The following PDCD2L variants were observed in gnomAD, a reference collection of about 807,000 sequenced individuals.
PDCD2L encodes uS5 assembly chaperone PDCD2L.
PDCD2L carries 44 observed loss-of-function variants against 40.4 expected under a neutral mutation model. That is an observed-to-expected ratio of 1.09 (90% CI 0.86 to 1.40). The LOEUF is 1.40. Ranked by LOEUF, PDCD2L falls within the 40% of genes most tolerant of loss-of-function variation. PDCD2L has a pLI of 0.00. For synonymous variants in PDCD2L, 194 were observed against 174.6 expected (o/e 1.11, Z -0.88); for missense variants, 470 against 453.7 (o/e 1.04, Z -0.33).
At chr19:34,405,921 A>AG (rs777189641) in intron 3 of PDCD2L, among the ~76,000 whole-genome samples, 41 of 151,962 alleles carry the variant, frequency 2.7e-4, no homozygotes, top group Non-Finnish European at 5.1e-4. Context: ...ACAAAACAAA[A>AG]GAAAAAAAAA....
At chr19:34,411,145 C>G (rs1234207776) in intron 4 of PDCD2L, among the ~76,000 whole-genome samples, 1 of 141,478 alleles carries the variant, frequency 7.1e-6, no homozygotes, top group Non-Finnish European at 1.5e-5. Context: ...TGGGTTTCTT[C>G]AGACTAGAGT....
chr19:34,407,473 A>G (rs1313416965), intron 3 of PDCD2L, among the ~76,000 whole-genome samples: 3 of 151,934 alleles, frequency 2.0e-5, no homozygotes, highest in African/African-American at 7.3e-5. Flanking sequence ...TCTACTCTCT[A>G]CTTCTTTGAG....
intron 5 of PDCD2L, among the ~76,000 whole-genome samples, chr19:34,419,499 CTTT>C (rs10706238): frequency 4.2e-5 from 6 of 143,268 alleles, no homozygotes; most frequent in Admixed American, 7.0e-5. Flanking sequence ...CCTCCATTTC[CTTT>C]TTTTTTTTTT....
intron 3 of PDCD2L, 131 bp downstream of exon 3, chr19:34,405,121 C>T (rs1214393075): frequency 1.9e-5 from 12 of 627,954 alleles, no homozygotes; most frequent in Non-Finnish European, 2.5e-5. Context: ...TCTGAAGAAC[C>T]ATAAAATGCT....
chr19:34,405,526 T>C (rs2075070562), intron 3 of PDCD2L, among the ~76,000 whole-genome samples: 1 of 151,956 alleles, frequency 6.6e-6, no homozygotes, highest in South Asian at 2.1e-4. Context: ...TAAAAGGAGA[T>C]GGAGGCCCAG....
chr19:34,413,680 A>G (rs1396168114), intron 4 of PDCD2L, 57 bp from the exon 5 acceptor site: 6 of 1,061,360 alleles, frequency 5.7e-6, no homozygotes, highest in Non-Finnish European at 8.5e-6. Flanking sequence ...TTGTCTTGCA[A>G]ATGCTGTAAT....
chr19:34,421,437 GA>G (rs1346706705), intron 5 of PDCD2L, 81 bp from the exon 6 acceptor site: 2 of 1,502,720 alleles, frequency 1.3e-6, no homozygotes, highest in Non-Finnish European at 9.1e-7. Context: ...AAGAAACAAA[GA>G]AAGGTTGCAA....
intron 5 of PDCD2L, among the ~76,000 whole-genome samples, chr19:34,419,773 C>CCTTTTTTT (rs1431467148): frequency 2.7e-5 from 1 of 36,630 alleles, no homozygotes; most frequent in Non-Finnish European, 4.7e-5. Flanking sequence ...CTTTATGTTG[C>CCTTTTTTT]TTTTTTTTTT....
intron 4 of PDCD2L, among the ~76,000 whole-genome samples, chr19:34,410,876 C>T (rs1292804445): frequency 6.0e-5 from 9 of 150,082 alleles, no homozygotes; most frequent in Non-Finnish European, 1.3e-4. Flanking sequence ...CCTCCCCTTC[C>T]TGGGTTCAAG....
intron 4 of PDCD2L, among the ~76,000 whole-genome samples, chr19:34,413,327 ATTTTTTTTT>A (rs34915589): frequency 1.0e-5 from 1 of 98,826 alleles, no homozygotes; most frequent in Admixed American, 1.1e-4. Flanking sequence ...GGCGTGATTG[ATTTTTTTTT>A]TTTTTTTTTT....
At chr19:34,425,890 C>T in intron 6 of PDCD2L, 100 bp from the exon 7 acceptor site, 2 of 1,243,556 alleles carry the variant, frequency 1.6e-6, no homozygotes, top group Admixed American at 2.2e-5. Context: ...TTTTGCTTTA[C>T]CTAATTACTT....
intron 3 of PDCD2L, among the ~76,000 whole-genome samples, chr19:34,405,811 C>T (rs1025910699): frequency 6.6e-6 from 1 of 151,918 alleles, no homozygotes; most frequent in African/African-American, 2.4e-5. Context: ...GAGGTTGAGG[C>T]AGGAGAATCG....
chr19:34,421,754 T>C (rs1209656772), intron 6 of PDCD2L, 87 bp downstream of exon 6: 3 of 1,455,706 alleles, frequency 2.1e-6, no homozygotes, highest in Non-Finnish European at 1.8e-6. Context: ...TTATAAAATA[T>C]CATAAGCAAA....
rs760011470 is a variant in PDCD2L at position 34,409,560 on chromosome 19, C to T, written c.686+50C>T. ...GAGAGGTGACTGGATTGGGAAGCAG[C>T]CACAAGAGTTACCCTTCAGTTTCAC... is the stretch of plus-strand genomic sequence containing the variant. On this transcript the variant is annotated intron_variant, in intron 4 of 6. Coordinates refer to ENST00000246535, the MANE Select transcript of PDCD2L (RefSeq NM_032346.2). The T allele has an allele frequency of 4.0e-6, 6 of 1,509,562 alleles. No individual in the cohort carries two copies. In the Admixed American group the frequency reaches 8.6e-5, roughly 22 times the overall value. 93.5% of individuals were successfully genotyped at this position (1,509,562 alleles called of 1,614,324 possible).
intron 5 of PDCD2L, among the ~76,000 whole-genome samples, chr19:34,420,307 TTTTTTTTTTGG>T (rs920826775): frequency 4.1e-5 from 6 of 147,466 alleles, no homozygotes; most frequent in Admixed American, 1.4e-4. Flanking sequence ...GTCCACTAGG[TTTTTTTTTTGG>T]TTTTTTTTTT....
At chr19:34,405,714 A>G (rs1000870355) in intron 3 of PDCD2L, among the ~76,000 whole-genome samples, 2 of 151,294 alleles carry the variant, frequency 1.3e-5, no homozygotes, top group Non-Finnish European at 2.9e-5. Flanking sequence ...CAGCCTGGCC[A>G]ACATGGCGAA....
chr19:34,421,525 C>T lies in PDCD2L; in HGVS notation c.804C>T (p.Ser268=). Reference sequence around the variant, plus strand: ...CTTTGTTTCCTTGTCCTAGGTATTCCTGGAGTGGAGAGCCACTCTTTTTGA... The same window carrying T: ...CTTTGTTTCCTTGTCCTAGGTATTCTTGGAGTGGAGAGCCACTCTTTTTGA... ...AACQEQILRY[S]WSGEPLFLTC... Residue 268 remains serine, a synonymous_variant, in exon 6 of 7, where the codon TCC becomes TCT. Coordinates refer to ENST00000246535, the MANE Select transcript of PDCD2L (RefSeq NM_032346.2). 1 of 1,613,908 alleles carries T rather than the reference C, an allele frequency of 6.2e-7. No homozygotes were observed. Among genetic ancestry groups the T allele is most frequent in the Non-Finnish European group, 8.5e-7 (1 of 1,179,974 alleles).
At chr19:34,422,864 C>G (rs568569217) in intron 6 of PDCD2L, among the ~76,000 whole-genome samples, 1 of 151,970 alleles carries the variant, frequency 6.6e-6, no homozygotes, top group African/African-American at 2.4e-5. Flanking sequence ...TACAGGCGCC[C>G]GCAACCAAGC....
chr19:34,405,549 C>T (rs939167879), intron 3 of PDCD2L, among the ~76,000 whole-genome samples: 1 of 151,770 alleles, frequency 6.6e-6, no homozygotes, highest in Admixed American at 6.6e-5. Context: ...TGGTGGCTCA[C>T]GCCTGTGATC....
Sources: allele counts gnomAD v4.1 joint callset (sites outside exome capture counted in the v4.1 genomes callset), GRCh38; gene constraint gnomAD v4.1.1; transcripts MANE v1.5; gene names NCBI Gene and HGNC (gene_info 2026-07-23, HGNC 2026-07-21).